The following CLCN6 variants were observed in gnomAD, a reference collection of about 807,000 sequenced individuals.
CLCN6 encodes the protein Cl-/H+ antiporter 6.
In CLCN6, 70 loss-of-function variants were observed where a neutral mutation model predicts 109.8. The observed-to-expected ratio is 0.64, with a 90% CI of 0.53 to 0.78. The LOEUF (loss-of-function observed/expected upper bound fraction) is 0.78, where lower values mean the gene tolerates loss of function less well. CLCN6 is among the 30% of genes least tolerant of loss of function. CLCN6 has a pLI of 0.00. For synonymous variants in CLCN6, 444 were observed against 447.8 expected (o/e 0.99, Z 0.11); for missense variants, 984 against 1,142.3 (o/e 0.86, Z 2.00).
rs1645034557 is a variant in CLCN6 at position 11,842,274 on chromosome 1, AAGTCACCAGAT to A, written c.*2053_*2063del. The A allele has an allele frequency of 1.3e-5, 2 of 152,608 alleles. No homozygotes were observed. Among genetic ancestry groups the A allele is most frequent in the Admixed American group, 6.5e-5 (1 of 15,278 alleles). 9.5% of individuals were successfully genotyped at this position (152,608 alleles called of 1,614,324 possible). ...CCCTCGTGCACATCCTGTTGTGTTTAAGTCACCAGATATTTTGTTCCCATCAGTTTAGCCCA... is the reference window on the plus strand; with the variant it reads ...CCCTCGTGCACATCCTGTTGTGTTTAATTTTGTTCCCATCAGTTTAGCCCA... On this transcript the variant is annotated 3_prime_UTR_variant, in exon 23 of 23. Coordinates refer to ENST00000346436, the MANE Select transcript of CLCN6 (RefSeq NM_001286.5).
chr1:11,822,361 C>T lies in CLCN6; in HGVS notation c.347-334C>T, dbSNP rs113381980. ...GCAGCCTCAGCCTCCCAGGCTCAAG[C>T]GATCCTCCCACCTCAGCTTCTTGAG... On this transcript the variant is annotated intron_variant, in intron 5 of 22. Coordinates refer to ENST00000346436, the MANE Select transcript of CLCN6 (RefSeq NM_001286.5). Among the ~76,000 whole-genome samples the T allele has an allele frequency of 2.5e-3, 379 of 152,190 alleles. 1 individual carries two copies. Among genetic ancestry groups the T allele is most frequent in the African/African-American group, 8.7e-3 (362 of 41,514 alleles).
chr1:11,806,668 G>C (rs1412529124), intron 1 of CLCN6: 2 of 394,770 alleles, frequency 5.1e-6, no homozygotes, highest in African/African-American at 4.2e-5. Context: ...ACAGGACTTT[G>C]TGCTTATCAT....
chr1:11,815,306 T>C (rs924058892), intron 2 of CLCN6, among the ~76,000 whole-genome samples: 5 of 152,192 alleles, frequency 3.3e-5, no homozygotes, highest in African/African-American at 1.2e-4. Flanking sequence ...AAGCATGAAG[T>C]ATGAACCTAA....
At chr1:11,813,960 A>G (rs992358873) in intron 2 of CLCN6, among the ~76,000 whole-genome samples, 1 of 152,174 alleles carries the variant, frequency 6.6e-6, no homozygotes, top group African/African-American at 2.4e-5. Context: ...AGACTTAACT[A>G]TAATCATTTT....
chr1:11,825,362 G>A (rs1279681259), intron 8 of CLCN6, among the ~76,000 whole-genome samples: 2 of 152,216 alleles, frequency 1.3e-5, no homozygotes, highest in Non-Finnish European at 2.9e-5. Flanking sequence ...GCCAGGCGTG[G>A]AGTGGGCATC....
chr1:11,835,874 G>A (rs1445116413), intron 17 of CLCN6, 93 bp from the exon 18 acceptor site: 9 of 1,010,524 alleles, frequency 8.9e-6, no homozygotes, highest in Middle Eastern at 3.1e-4. Context: ...CACCCCGCCC[G>A]TGGTCTGAGC....
intron 5 of CLCN6, chr1:11,820,272 A>G: frequency 1.5e-6 from 1 of 669,680 alleles, no homozygotes; most frequent in Middle Eastern, 3.4e-4. Flanking sequence ...TGGGCAGCAT[A>G]GCAAGACCCT....
chr1:11,819,357 G>A lies in CLCN6; in HGVS notation c.280-131G>A, dbSNP rs753242055. ...CTGCGCTTTTCTGCTGTGCATTCAC[G>A]TACTGCTGGCTGGTGAGCAGCCTCC... On this transcript the variant is annotated intron_variant, in intron 4 of 22. Coordinates refer to ENST00000346436, the MANE Select transcript of CLCN6 (RefSeq NM_001286.5). 8 of 798,878 alleles carry A rather than the reference G, an allele frequency of 1.0e-5. 1 individual carries two copies. The highest frequency in any genetic ancestry group is 7.0e-5 in the South Asian group (5 of 70,928). The allele number at this position is 798,878 out of a possible 1,614,324, so 49.5% of individuals were successfully genotyped here.
chr1:11,837,040 G>GAGCC lies in CLCN6; in HGVS notation c.2025_2028dup (p.Ser677ProfsTer16). 6.2e-7 allele frequency: 1 copy of GAGCC among 1,612,764 alleles called. No individual in the cohort carries two copies. The highest frequency in any genetic ancestry group is 8.5e-7 in the Non-Finnish European group (1 of 1,180,022). ...CCCGGGCTGGCGAGCAGCGCAAACG[G>GAGCC]AGCCAGTCCATGAAGTCCTACCCAT... is the stretch of plus-strand genomic sequence containing the variant. On this transcript the variant is annotated frameshift_variant, in exon 19 of 23. Coordinates refer to ENST00000346436, the MANE Select transcript of CLCN6 (RefSeq NM_001286.5). LOFTEE classifies it high-confidence loss of function.
intron 12 of CLCN6, among the ~76,000 whole-genome samples, chr1:11,828,938 A>G (rs190830749): frequency 6.6e-6 from 1 of 151,988 alleles, no homozygotes; most frequent in Non-Finnish European, 1.5e-5. Flanking sequence ...CCCAGGACTT[A>G]TTATAATGGA....
chr1:11,806,219 G>A lies in CLCN6; in HGVS notation c.-44G>A. 7.2e-7 allele frequency: 1 copy of A among 1,394,196 alleles called. No individual in the cohort carries two copies. The highest frequency in any genetic ancestry group is 9.4e-7 in the Non-Finnish European group (1 of 1,068,008). The allele number at this position is 1,394,196 out of a possible 1,614,324, so 86.4% of individuals were successfully genotyped here. A position where few individuals can be genotyped will look rare whatever the true frequency, so the allele number is the denominator to read the frequency against. ...CACGTGAGGCGCAGATCCTGGCTGG[G>A]AGGGGGTTGGTAGAGGGGTCCAGAG... On this transcript the variant is annotated 5_prime_UTR_variant, in exon 1 of 23. Transcript: ENST00000346436.
chr1:11,818,756 A>G (rs900142130), intron 4 of CLCN6, among the ~76,000 whole-genome samples: 2 of 152,192 alleles, frequency 1.3e-5, no homozygotes, highest in Non-Finnish European at 2.9e-5. Context: ...CTCTACCCAG[A>G]GTAACTATGG....
chr1:11,826,782 G>C (rs948429450), intron 9 of CLCN6, among the ~76,000 whole-genome samples: 7 of 152,168 alleles, frequency 4.6e-5, no homozygotes, highest in African/African-American at 1.7e-4. Context: ...AGCAGTGATC[G>C]TGCCGATCTT....
At chr1:11,833,443 G>C in intron 13 of CLCN6, 72 bp from the exon 14 acceptor site, 1 of 1,530,798 alleles carries the variant, frequency 6.5e-7, no homozygotes, top group Non-Finnish European at 9.0e-7. Context: ...TTTTGGACCC[G>C]GCTGGAGACA....
Position 11,834,524 on chromosome 1 carries a change from A to G in CLCN6, c.1727A>G (p.Tyr576Cys). Residue 576 changes from tyrosine to cysteine, a missense_variant, in exon 17 of 23, where the codon TAT (tyrosine) becomes TGT (cysteine). Tyr to Cys is a radical substitution (Grantham distance 194). Coordinates refer to ENST00000346436, the MANE Select transcript of CLCN6 (RefSeq NM_001286.5). The surrounding 1 kb of genome is among the most constrained non-coding windows in gnomAD (Gnocchi z 4.5). ...WTGDFFNKGI[Y>C]DIHVGLRGVP... The stretch of plus-strand genomic sequence containing the variant: ...GGGGACTTTTTCAATAAGGGCATTT[A>G]TGATATCCACGTGGGCCTGCGAGGC... 1 of 1,614,124 alleles carries G rather than the reference A, an allele frequency of 6.2e-7. No individual in the cohort carries two copies. The highest frequency in any genetic ancestry group is 8.5e-7 in the Non-Finnish European group (1 of 1,180,020).
In CLCN6 at chr1:11,840,132, C is replaced by T. The variant is rs761936049; in HGVS notation, c.2530-11C>T. 5 of 1,613,498 alleles carry T rather than the reference C, an allele frequency of 3.1e-6. No homozygotes were observed. In the South Asian group the frequency reaches 3.3e-5, roughly 11 times the overall value. On this transcript the variant is annotated splice_polypyrimidine_tract_variant and intron_variant, in intron 22 of 22. Coordinates refer to ENST00000346436, the MANE Select transcript of CLCN6 (RefSeq NM_001286.5). Reference sequence around the variant, plus strand: ...ACCCTGAAGGTGACTCAGGCCTTCTCTTTGCCCTAGATCGTGGGGATCATC... The same window carrying T: ...ACCCTGAAGGTGACTCAGGCCTTCTTTTTGCCCTAGATCGTGGGGATCATC...
intron 3 of CLCN6, among the ~76,000 whole-genome samples, chr1:11,816,115 C>G (rs1644666993): frequency 6.6e-6 from 1 of 152,184 alleles, no homozygotes; most frequent in Non-Finnish European, 1.5e-5. Context: ...TGGTGGCAAC[C>G]CTGTGTTGAG....
chr1:11,834,085 T>C lies in CLCN6; in HGVS notation c.1526+55T>C. 2 of 1,600,114 alleles carry C rather than the reference T, an allele frequency of 1.2e-6. No homozygotes were observed. Among genetic ancestry groups the C allele is most frequent in the South Asian group, 2.2e-5 (2 of 89,724 alleles). On this transcript the variant is annotated intron_variant, in intron 15 of 22. Transcript: ENST00000346436. The surrounding 1 kb of genome is among the most constrained non-coding windows in gnomAD (Gnocchi z 4.5). Reference sequence around the variant, plus strand: ...ATGTGCATGTGTGTGCACGTGTGCGTGTGTATGCATGTGTGTGCGTGTGCG... The same window carrying C: ...ATGTGCATGTGTGTGCACGTGTGCGCGTGTATGCATGTGTGTGCGTGTGCG...
rs1645027293 is a variant in CLCN6 at position 11,841,788 on chromosome 1, A to T, written c.*1565A>T. On this transcript the variant is annotated 3_prime_UTR_variant, in exon 23 of 23. Transcript: ENST00000346436. ...TCTAGGGAATAATTCCACTCCAGAGATGGGGCTGCTTCAAGGTCTTTTCTA... is the reference window on the plus strand; with the variant it reads ...TCTAGGGAATAATTCCACTCCAGAGTTGGGGCTGCTTCAAGGTCTTTTCTA... 6.6e-6 allele frequency: 1 copy of T among 152,166 alleles called. No individual in the cohort carries two copies. Among genetic ancestry groups the T allele is most frequent in the South Asian group, 2.1e-4 (1 of 4,830 alleles). The allele number at this position is 152,166 out of a possible 1,614,324, so 9.4% of individuals were successfully genotyped here.
Sources: gnomAD v4.1 joint callset for allele counts (sites outside exome capture counted in the v4.1 genomes callset) on GRCh38, gnomAD v4.1.1 for gene constraint, Gnocchi (gnomAD v3.1) non-coding constraint, MANE v1.5 for transcripts, NCBI Gene and HGNC (gene_info 2026-07-23, HGNC 2026-07-21) for gene names.